The following METTL9 variants were observed in gnomAD, a reference collection of about 807,000 sequenced individuals.
The protein encoded by METTL9 is protein-L-histidine N-pros-methyltransferase.
A neutral mutation model predicts 36.0 loss-of-function variants in METTL9; 10 were observed. The ratio of observed to expected loss-of-function variants is 0.28; its 90% confidence interval spans 0.17 to 0.47. The LOEUF is 0.47. Among genes scored for constraint, METTL9 ranks in the 20% least tolerant of loss-of-function variants. METTL9 has a pLI of 0.99. For missense variants in METTL9, 246 were observed against 383.5 expected (o/e 0.64, Z 3.00); for synonymous variants, 175 against 149.7 (o/e 1.17, Z -1.23).
chr16:21,644,111 A>G (rs1701931308), intron 4 of METTL9, among the ~76,000 whole-genome samples: 1 of 152,206 alleles, frequency 6.6e-6, no homozygotes, highest in Non-Finnish European at 1.5e-5. Context: ...AGTGATGAGA[A>G]TGTATGATGC....
intron 4 of METTL9, among the ~76,000 whole-genome samples, chr16:21,631,917 ACTTTTT>A (rs1965972468): frequency 1.3e-5 from 2 of 151,968 alleles, no homozygotes; most frequent in Non-Finnish European, 2.9e-5. Flanking sequence ...TTTCTCTTTG[ACTTTTT>A]CTTTGTCTCT....
intron 4 of METTL9, chr16:21,647,389 TC>T: frequency 6.2e-7 from 1 of 1,614,100 alleles, no homozygotes; most frequent in Non-Finnish European, 8.5e-7. Flanking sequence ...CAGAAGGGCA[TC>T]CGGTTGCGGA....
At chr16:21,605,520 C>T (rs1430251577) in intron 1 of METTL9, among the ~76,000 whole-genome samples, 1 of 151,816 alleles carries the variant, frequency 6.6e-6, no homozygotes, top group Non-Finnish European at 1.5e-5. Flanking sequence ...GCTGGGATTA[C>T]AGGCGTGAGC....
chr16:21,599,590 G>A lies in METTL9; in HGVS notation c.-144G>A. The stretch of plus-strand genomic sequence containing the variant: ...CGCCGGCTGCTCCTCCCCACCCCCA[G>A]CCTTTGCCCTGAAGGGGGCTGGATG... On this transcript the variant is annotated 5_prime_UTR_variant, in exon 1 of 5. Transcript: ENST00000358154. This position sits in a 1 kb window ranked among gnomAD's most constrained non-coding sequence, Gnocchi z 4.4. 7.6e-7 allele frequency: 1 copy of A among 1,308,706 alleles called. No homozygotes were observed. The allele number at this position is 1,308,706 out of a possible 1,614,324, so 81.1% of individuals were successfully genotyped here. A position where few individuals can be genotyped will look rare whatever the true frequency, so the allele number is the denominator to read the frequency against.
At chr16:21,617,162 G>A (rs1196911080) in intron 2 of METTL9, among the ~76,000 whole-genome samples, 2 of 152,198 alleles carry the variant, frequency 1.3e-5, no homozygotes, top group African/African-American at 2.4e-5. Flanking sequence ...GCTCATGCCT[G>A]TAATCCCAGC....
chr16:21,635,870 C>T (rs1966079350), intron 4 of METTL9, among the ~76,000 whole-genome samples: 1 of 152,162 alleles, frequency 6.6e-6, no homozygotes, highest in Non-Finnish European at 1.5e-5. Context: ...GAAGCAGCAG[C>T]AGAAACGGTA....
intron 4 of METTL9, chr16:21,647,093 A>G: frequency 6.2e-7 from 1 of 1,613,702 alleles, no homozygotes; most frequent in Non-Finnish European, 8.5e-7. Context: ...GGCCTGAACA[A>G]GATGCAATGA....
At chr16:21,644,952 T>C (rs1378042804) in intron 4 of METTL9, among the ~76,000 whole-genome samples, 1 of 152,228 alleles carries the variant, frequency 6.6e-6, no homozygotes, top group Non-Finnish European at 1.5e-5. Context: ...CCAAATGTGC[T>C]CTTCTTTCTT....
rs755485962 is a variant in METTL9, at chr16:21,625,014, A to G, written c.650A>G (p.Gln217Arg). The G allele has an allele frequency of 6.2e-7, 1 of 1,614,230 alleles. No homozygotes were observed. The change falls in exon 4 of 5, where the codon CAG becomes CGG. Residue 217 changes from glutamine (Q) to arginine (R), a missense_variant. Physicochemically the swap from Gln to Arg is conservative, Grantham distance 43 (BLOSUM62 1). Around this residue, in one of 2 missense-constraint regions of METTL9, gnomAD observed 146 missense variants for 302.1 expected, o/e 0.48. Coordinates refer to ENST00000358154, the MANE Select transcript of METTL9 (RefSeq NM_016025.5). ...SCLNLLDRCD[Q>R]PLTLLKDIRS... Reference sequence around the variant, plus strand: ...CTGAACTTGCTGGACCGCTGTGATCAGCCCCTGACTTTGTTAAAAGATATC... The same window carrying G: ...CTGAACTTGCTGGACCGCTGTGATCGGCCCCTGACTTTGTTAAAAGATATC...
In METTL9 at chr16:21,617,432, G is replaced by GGA. The variant is rs1555489656; in HGVS notation, c.357-433_357-432insGA. On this transcript the variant is annotated intron_variant, in intron 2 of 4. Transcript: ENST00000358154. Reference sequence around the variant, plus strand: ...CGAGACTCTGTCTCAAAAAAAAAAAGAAAAAAAAAATTAGGCCAGGCGCAG... The same window carrying GGA: ...CGAGACTCTGTCTCAAAAAAAAAAAGGAAAAAAAAAAATTAGGCCAGGCGCAG... 2.2e-4 allele frequency among the ~76,000 whole-genome samples: 32 copies of GGA among 142,670 alleles called. No individual in the cohort carries two copies. The East Asian group carries it at 6.4e-3, about 28-fold the overall frequency. The allele number at this position is 142,670 out of a possible 152,430, so 93.6% of individuals were successfully genotyped here.
chr16:21,647,129 T>A lies in METTL9; in HGVS notation c.752-8098T>A, dbSNP rs763573457. ...TGCACTGAAATAAAGCCTCGCTGAC[T>A]GACCTCTTACCACCAGTGTGGTCCC... is the stretch of plus-strand genomic sequence containing the variant. On this transcript the variant is annotated intron_variant, in intron 4 of 4. Transcript: ENST00000358154. The A allele has an allele frequency of 5.6e-6, 9 of 1,614,122 alleles. No homozygotes were observed. In the African/African-American group the frequency reaches 1.2e-4, roughly 22 times the overall value.
At chr16:21,604,520 C>T (rs982024617) in intron 1 of METTL9, among the ~76,000 whole-genome samples, 4 of 152,018 alleles carry the variant, frequency 2.6e-5, no homozygotes, top group African/African-American at 9.7e-5. Flanking sequence ...TAATTGATTC[C>T]CCTCATGGAT....
intron 4 of METTL9, among the ~76,000 whole-genome samples, chr16:21,630,148 C>T (rs768263602): frequency 1.1e-4 from 16 of 152,262 alleles, no homozygotes; most frequent in Non-Finnish European, 2.4e-4. Flanking sequence ...AGAAGCCCAG[C>T]TGGCTTCACC....
chr16:21,646,729 A>T (rs541657848), intron 4 of METTL9: 37 of 292,750 alleles, frequency 1.3e-4, no homozygotes, highest in African/African-American at 7.7e-4. Flanking sequence ...ATCTCGGTTC[A>T]CTGCAACCTT....
At chr16:21,647,139 C>G in intron 4 of METTL9, 1 of 1,614,172 alleles carries the variant, frequency 6.2e-7, no homozygotes, top group Admixed American at 1.7e-5. Flanking sequence ...TGACCTCTTA[C>G]CACCAGTGTG....
At chr16:21,602,286 G>T (rs1246899908) in intron 1 of METTL9, among the ~76,000 whole-genome samples, 1 of 152,142 alleles carries the variant, frequency 6.6e-6, no homozygotes, top group Non-Finnish European at 1.5e-5. Flanking sequence ...AGGATTCTGT[G>T]GTTAAAAGAG....
intron 4 of METTL9, among the ~76,000 whole-genome samples, chr16:21,636,650 G>C: frequency 6.6e-6 from 1 of 152,170 alleles, no homozygotes; most frequent in East Asian, 1.9e-4. Flanking sequence ...GTCGACCCTC[G>C]GTTCAGCCCA....
intron 1 of METTL9, among the ~76,000 whole-genome samples, chr16:21,600,178 C>G (rs12930048): frequency 6.6e-6 from 1 of 152,082 alleles, no homozygotes; most frequent in East Asian, 1.9e-4. Flanking sequence ...CGCATTGTTC[C>G]TGGGTCCCGG....
At chr16:21,655,157 T>A in intron 4 of METTL9, 70 bp from the exon 5 acceptor site, 1 of 1,409,908 alleles carries the variant, frequency 7.1e-7, no homozygotes, top group South Asian at 1.3e-5. Context: ...TAGATATGGC[T>A]CCTCCCTGCT....
Sources: gnomAD v4.1 joint callset for allele counts (sites outside exome capture counted in the v4.1 genomes callset) on GRCh38, gnomAD v4.1.1 for gene constraint, gnomAD v4.1.1 regional missense constraint, Gnocchi (gnomAD v3.1) non-coding constraint, MANE v1.5 for transcripts, NCBI Gene and HGNC (gene_info 2026-07-23, HGNC 2026-07-21) for gene names.